Variants in COL11A2 observed in about 807,000 individuals in gnomAD.
The protein encoded by COL11A2 is collagen alpha-2(XI) chain.
In COL11A2, 116 loss-of-function variants were observed where a neutral mutation model predicts 273.4. The observed-to-expected ratio is 0.42, with a 90% confidence interval of 0.36 to 0.49. The LOEUF is 0.49. Among genes scored for constraint, COL11A2 ranks in the 20% least tolerant of loss-of-function variants. COL11A2 has a pLI of 0.00. For missense variants in COL11A2, 1,866 were observed against 2,309.0 expected (o/e 0.81, Z 3.93); for synonymous variants, 782 against 864.2 (o/e 0.90, Z 1.67).
At position 33,166,741 on chromosome 6, in the gene COL11A2, G is replaced by A. The variant is rs1323279344; in HGVS notation, c.4317C>T (p.Ser1439=). The change falls in exon 59 of 66, where the codon TCC becomes TCT. Residue 1439 remains serine, a synonymous_variant. Coordinates refer to ENST00000341947, the MANE Select transcript of COL11A2 (RefSeq NM_080680.3). The surrounding 1 kb of genome is among the most constrained non-coding windows in gnomAD (Gnocchi z 4.8). ...TCACCATCTCACCCTTCTGCCCAGG[G>A]GAGCCCTGAGGCCCAGGAAGTCCCC... ...GDRGLPGPQG[S]PGQKGEMGIP... is the part of the protein sequence containing the mutation. 6.2e-6 allele frequency: 10 copies of A among 1,613,458 alleles called. No homozygotes were observed. The highest frequency in any genetic ancestry group is 8.5e-6 in the Non-Finnish European group (10 of 1,180,028).
At chr6:33,172,737 C>A (rs1405788953) in intron 38 of COL11A2, 100 bp from the exon 39 acceptor site, 5 of 1,031,336 alleles carry the variant, frequency 4.8e-6, no homozygotes. Flanking sequence ...TTCAGAACCC[C>A]TTTATCCCTG....
chr6:33,191,226 G>A (rs1259578189), intron 1 of COL11A2, among the ~76,000 whole-genome samples: 1 of 152,142 alleles, frequency 6.6e-6, no homozygotes. Flanking sequence ...CTCACATCTT[G>A]GAAGTTCTTC....
rs755519936 is a variant in COL11A2 at position 33,173,656 on chromosome 6, C to T, written c.2628+45G>A. ...TGAGGAGGGAGCTGGCTCACCCAGG[C>T]TCCCTGGGGACCTCAGGGGAAGGGG... On this transcript the variant is annotated intron_variant, in intron 35 of 65. Coordinates refer to ENST00000341947, the MANE Select transcript of COL11A2 (RefSeq NM_080680.3). The surrounding 1 kb of genome is among the most constrained non-coding windows in gnomAD (Gnocchi z 6.3). 6.5e-6 allele frequency: 10 copies of T among 1,547,502 alleles called. 1 individual carries two copies. The highest frequency in any genetic ancestry group is 4.4e-6 in the Non-Finnish European group (5 of 1,133,934).
rs866611749 is a variant in COL11A2 at position 33,174,212 on chromosome 6, G to A, written c.2437C>T (p.Leu813=). Residue 813 remains leucine, a synonymous_variant, in exon 32 of 66, where the codon CTA becomes TTA. Transcript: ENST00000341947. ...YPGRQGPKGS[L]GFPGFPGASG... ...GCACCAGGAAAGCCAGGAAATCCTA[G>A]GGACCCCTGGTGAGAACGGAGAAGG... 1.3e-6 allele frequency: 2 copies of A among 1,568,190 alleles called. No individual in the cohort carries two copies.
At chr6:33,191,813 T>G (rs894994187) in intron 1 of COL11A2, among the ~76,000 whole-genome samples, 1 of 152,190 alleles carries the variant, frequency 6.6e-6, no homozygotes, top group Non-Finnish European at 1.5e-5. Context: ...CCATCAACAT[T>G]GGCGTCTACC....
Position 33,164,812 on chromosome 6 carries a change from C to A in COL11A2, c.4863+40G>T. The A allele has an allele frequency of 6.6e-7, 1 of 1,523,638 alleles. No individual in the cohort carries two copies. Among genetic ancestry groups the A allele is most frequent in the Non-Finnish European group, 8.9e-7 (1 of 1,123,956 alleles). The allele number at this position is 1,523,638 out of a possible 1,614,324, so 94.4% of individuals were successfully genotyped here. A position where few individuals can be genotyped will look rare whatever the true frequency, so the allele number is the denominator to read the frequency against. ...AACCACTAAGCCCTGAGGGGGTGCA[C>A]TATGGGGCAGGGGAGGGGCAGCGAG... is the stretch of plus-strand genomic sequence containing the variant. On this transcript the variant is annotated intron_variant, in intron 64 of 65. Transcript: ENST00000341947. The surrounding 1 kb of genome is among the most constrained non-coding windows in gnomAD (Gnocchi z 4.7).
intron 5 of COL11A2, 139 bp from the exon 6 acceptor site, chr6:33,185,917 G>C (rs1772364146): frequency 2.5e-6 from 1 of 394,674 alleles, no homozygotes; most frequent in Non-Finnish European, 5.1e-6. Context: ...ACAGAGAGTT[G>C]AAGATGAAAG....
In COL11A2 at chr6:33,169,458, C is replaced by T; in HGVS notation, c.3723G>A (p.Glu1241=). Residue 1241 remains glutamate, a synonymous_variant, in exon 51 of 66, where the codon GAG becomes GAA. Transcript: ENST00000341947. The surrounding 1 kb of genome is among the most constrained non-coding windows in gnomAD (Gnocchi z 5.5). ...GPRGERGEKG[E]SGQPGEPGPP... is the part of the protein sequence containing the mutation. Reference sequence around the variant, plus strand: ...GCCCTGGCTCTCCTGGCTGCCCCGACTCTCCTTTCTCTCCACGTTCCCCGC... The same window carrying T: ...GCCCTGGCTCTCCTGGCTGCCCCGATTCTCCTTTCTCTCCACGTTCCCCGC... 6.2e-7 allele frequency: 1 copy of T among 1,613,026 alleles called. No individual in the cohort carries two copies. Among genetic ancestry groups the T allele is most frequent in the Non-Finnish European group, 8.5e-7 (1 of 1,180,036 alleles).
intron 54 of COL11A2, 119 bp downstream of exon 54, chr6:33,168,400 A>G: frequency 8.9e-7 from 1 of 1,122,966 alleles, no homozygotes; most frequent in Non-Finnish European, 1.3e-6. Flanking sequence ...GCACACACAC[A>G]CACCCAGGGC....
At chr6:33,180,932 A>G (rs1771650908) in intron 10 of COL11A2, 32 bp downstream of exon 10, 2 of 1,613,638 alleles carry the variant, frequency 1.2e-6, no homozygotes, top group East Asian at 4.5e-5. Context: ...TTTCTAAGAA[A>G]AGAATGGCCA....
In COL11A2 at chr6:33,189,126, G is replaced by A; in HGVS notation, c.295C>T (p.Pro99Ser). Residue 99 changes from proline (P) to serine (S), a missense_variant, in exon 3 of 66, where the codon CCC (proline) becomes TCC (serine). Coordinates refer to ENST00000341947, the MANE Select transcript of COL11A2 (RefSeq NM_080680.3). This position sits in a 1 kb window ranked among gnomAD's most constrained non-coding sequence, Gnocchi z 5.6. The stretch of plus-strand genomic sequence containing the variant: ...TGGGCACTGTAGAGAGTCAGGAGGG[G>A]AGCTTGGAGACCAGGGCGGGTCCGG... The part of the protein sequence containing the change: ...VVRTRPGLQA[P>S]LLTLYSAQGV... 6.2e-7 allele frequency: 1 copy of A among 1,614,110 alleles called. No individual in the cohort carries two copies. The highest frequency in any genetic ancestry group is 8.5e-7 in the Non-Finnish European group (1 of 1,179,974).
chr6:33,173,473 A>AG lies in COL11A2; in HGVS notation c.2682+28dup. The AG allele has an allele frequency of 6.2e-7, 1 of 1,610,700 alleles. No individual in the cohort carries two copies. The highest frequency in any genetic ancestry group is 8.5e-7 in the Non-Finnish European group (1 of 1,178,978). ...TAGGGAAGAAGGACTCAGAGAAGCG[A>AG]GGTGGGTCAGAGCTCGGGGTCAACT... On this transcript the variant is annotated intron_variant, in intron 36 of 65. Transcript: ENST00000341947. This position sits in a 1 kb window ranked among gnomAD's most constrained non-coding sequence, Gnocchi z 6.3.
rs144898553 is a variant in COL11A2, at chr6:33,177,156, T to C, written c.2016+25A>G. ...CTACATCCCCACTCTAAACCCCCTG[T>C]CCTCCAAATCACTTAGTCACTTACC... On this transcript the variant is annotated intron_variant, in intron 24 of 65. Transcript: ENST00000341947. This position sits in a 1 kb window ranked among gnomAD's most constrained non-coding sequence, Gnocchi z 5.9. 1.7e-4 allele frequency: 269 copies of C among 1,612,944 alleles called. 2 individuals are homozygous for C. The East Asian group carries it at 6.0e-3, about 36-fold the overall frequency.
In COL11A2 at chr6:33,179,074, C is replaced by A; in HGVS notation, c.1610G>T (p.Arg537Met). 6.2e-7 allele frequency: 1 copy of A among 1,613,974 alleles called. No homozygotes were observed. The highest frequency in any genetic ancestry group is 8.5e-7 in the Non-Finnish European group (1 of 1,179,864). The change falls in exon 16 of 66, where the codon AGG becomes ATG. Residue 537 changes from arginine to methionine, a missense_variant and splice_region_variant. Transcript: ENST00000341947. This position sits in a 1 kb window ranked among gnomAD's most constrained non-coding sequence, Gnocchi z 6.4. ...CCCATCCACCCCTGGGGCACTCACC[C>A]TTCGCCCAGCCTTGCCAGGAGGGCC... is the stretch of plus-strand genomic sequence containing the variant. ...LTGPPGKAGR[R>M]GRAGADGARG...
Position 33,176,277 on chromosome 6 carries a change from C to A in COL11A2, c.2196G>T (p.Lys732Asn), listed in dbSNP as rs1315844756. The A allele has an allele frequency of 1.2e-6, 2 of 1,607,622 alleles. No homozygotes were observed. Among genetic ancestry groups the A allele is most frequent in the Non-Finnish European group, 8.5e-7 (1 of 1,177,378 alleles). The change falls in exon 28 of 66, where the codon AAG (lysine) becomes AAT (asparagine). Residue 732 changes from lysine to asparagine, a missense_variant. Transcript: ENST00000341947. This position sits in a 1 kb window ranked among gnomAD's most constrained non-coding sequence, Gnocchi z 4.9. The part of the protein sequence containing the change: ...VKGVDGIRGL[K>N]GHKGEKGEDG... ...TGCTCACCTTCTCACCCTTATGACCCTTCAGACCCCGAATTCCGTCCACAC... is the reference window on the plus strand; with the variant it reads ...TGCTCACCTTCTCACCCTTATGACCATTCAGACCCCGAATTCCGTCCACAC...
In COL11A2 at chr6:33,179,348, C is replaced by G; in HGVS notation, c.1504-64G>C. ...CAGCCAACAGTGGCCTCGGAGTGTT[C>G]CCCAAAAGAAGCCCCTTTCCAGAAC... On this transcript the variant is annotated intron_variant, in intron 14 of 65. Transcript: ENST00000341947. This position sits in a 1 kb window ranked among gnomAD's most constrained non-coding sequence, Gnocchi z 6.4. The G allele has an allele frequency of 6.3e-7, 1 of 1,581,480 alleles. No individual in the cohort carries two copies. Among genetic ancestry groups the G allele is most frequent in the Admixed American group, 1.9e-5 (1 of 53,416 alleles).
In COL11A2 at chr6:33,190,947, C is replaced by T. The variant is rs1238723032; in HGVS notation, c.82+1212G>A. 1.3e-5 allele frequency among the ~76,000 whole-genome samples: 2 copies of T among 152,206 alleles called. No individual in the cohort carries two copies. Among genetic ancestry groups the T allele is most frequent in the Non-Finnish European group, 2.9e-5 (2 of 68,040 alleles). On this transcript the variant is annotated intron_variant, in intron 1 of 65. Transcript: ENST00000341947. This position sits in a 1 kb window ranked among gnomAD's most constrained non-coding sequence, Gnocchi z 4.5. ...CTTGCCCCCCTGTATCCAGCCTCAT[C>T]TGCCCCACAGGCTCTCCACTGGTAG...
At chr6:33,192,133 G>A in intron 1 of COL11A2, 26 bp downstream of exon 1, 1 of 1,548,720 alleles carries the variant, frequency 6.5e-7, no homozygotes, top group Non-Finnish European at 8.7e-7. Flanking sequence ...TGACTCCGAG[G>A]ACCCAGGCAT....
rs1408816809 is a variant in COL11A2, at chr6:33,166,133, G to A, written c.4428+38C>T. 2.5e-6 allele frequency: 4 copies of A among 1,607,906 alleles called. No homozygotes were observed. Among genetic ancestry groups the A allele is most frequent in the Non-Finnish European group, 3.4e-6 (4 of 1,177,560 alleles). ...GGAGAGACATCATCAAGTCCAGAGGGGGTGGAGCAAAGGTCAGAGCTGAAG... is the reference window on the plus strand; with the variant it reads ...GGAGAGACATCATCAAGTCCAGAGGAGGTGGAGCAAAGGTCAGAGCTGAAG... On this transcript the variant is annotated intron_variant, in intron 61 of 65. Coordinates refer to ENST00000341947, the MANE Select transcript of COL11A2 (RefSeq NM_080680.3). The surrounding 1 kb of genome is among the most constrained non-coding windows in gnomAD (Gnocchi z 4.8).
Sources: allele counts gnomAD v4.1 joint callset (sites outside exome capture counted in the v4.1 genomes callset), GRCh38; gene constraint gnomAD v4.1.1; non-coding constraint Gnocchi (gnomAD v3.1); transcripts MANE v1.5; gene names NCBI Gene and HGNC (gene_info 2026-07-23, HGNC 2026-07-21).